WWOX: variants seen among roughly 807,000 people sequenced by gnomAD.
WWOX encodes the protein WW domain-containing oxidoreductase.
Under a neutral mutation model 46.2 loss-of-function variants are expected in WWOX, and 69 were observed. The observed-to-expected ratio is 1.49, with a 90% CI of 1.23 to 1.82. WWOX has a LOEUF of 1.82. WWOX is among the 40% of genes most tolerant of loss of function. The probability of loss-of-function intolerance (pLI) is 0.00; values close to 1 mark genes in which losing one functional copy is unlikely to be tolerated. For synonymous variants in WWOX, 359 were observed against 202.6 expected (o/e 1.77, Z -6.56); for missense variants, 919 against 542.6 (o/e 1.69, Z -6.89).
chr16:79,000,249 TCTC>T (rs1285760790), intron 8 of WWOX, among the ~76,000 whole-genome samples: 1 of 152,112 alleles, frequency 6.6e-6, no homozygotes, highest in Non-Finnish European at 1.5e-5. Context: ...CCTGGCAAAT[TCTC>T]CTCCTTCCTT....
At chr16:78,439,437 A>T (rs2083400456) in intron 8 of WWOX, among the ~76,000 whole-genome samples, 1 of 152,114 alleles carries the variant, frequency 6.6e-6, no homozygotes, top group Non-Finnish European at 1.5e-5. Flanking sequence ...GAAGAAACAT[A>T]CTTCTTCCTG....
At chr16:79,174,464 C>A (rs897614347) in intron 8 of WWOX, among the ~76,000 whole-genome samples, 1 of 152,086 alleles carries the variant, frequency 6.6e-6, no homozygotes, top group Non-Finnish European at 1.5e-5. Flanking sequence ...GCTTGACCAA[C>A]ATAGTGAAAC....
chr16:78,267,756 CTGAT>C (rs10618216), intron 5 of WWOX, among the ~76,000 whole-genome samples: 24,937 of 151,812 alleles, frequency 0.16, 2,246 homozygotes, highest in Middle Eastern at 0.27. Context: ...TCTGTTCCAC[CTGAT>C]TGATTGATTG....
intron 8 of WWOX, among the ~76,000 whole-genome samples, chr16:78,830,998 A>G (rs995448239): frequency 6.6e-6 from 1 of 152,234 alleles, no homozygotes; most frequent in Non-Finnish European, 1.5e-5. Context: ...GGCACTAATG[A>G]TGCAGCAGTA....
intron 5 of WWOX, among the ~76,000 whole-genome samples, chr16:78,176,858 G>C (rs2035364000): frequency 6.6e-6 from 1 of 152,170 alleles, no homozygotes; most frequent in Non-Finnish European, 1.5e-5. Flanking sequence ...GGCAGGGAAG[G>C]ATAGGATGCA....
At chr16:78,550,297 G>C (rs1188035213) in intron 8 of WWOX, among the ~76,000 whole-genome samples, 1 of 152,152 alleles carries the variant, frequency 6.6e-6, no homozygotes, top group Non-Finnish European at 1.5e-5. Flanking sequence ...CTTTGCAAAG[G>C]TTCACATGAT....
At chr16:78,489,007 G>C (rs891098236) in intron 8 of WWOX, among the ~76,000 whole-genome samples, 1 of 152,174 alleles carries the variant, frequency 6.6e-6, no homozygotes, top group African/African-American at 2.4e-5. Context: ...TCTCTGCAGA[G>C]TGTCTAAATC....
intron 5 of WWOX, among the ~76,000 whole-genome samples, chr16:78,366,754 C>G (rs142722473): frequency 9.9e-4 from 151 of 152,218 alleles, no homozygotes; most frequent in East Asian, 4.8e-3. Flanking sequence ...GTTTTCCAAT[C>G]TCTGTTCTAG....
intron 8 of WWOX, among the ~76,000 whole-genome samples, chr16:78,770,047 G>A (rs972866827): frequency 6.6e-6 from 1 of 151,068 alleles, no homozygotes; most frequent in Admixed American, 6.6e-5. Context: ...GTGTCTTTAA[G>A]TAAAATAAAA....
chr16:78,608,145 G>T (rs1319769280), intron 8 of WWOX, among the ~76,000 whole-genome samples: 1 of 152,124 alleles, frequency 6.6e-6, no homozygotes, highest in Non-Finnish European at 1.5e-5. Context: ...AACCCAGAGA[G>T]GTCGTACGTT....
chr16:79,069,144 C>A (rs990936201), intron 8 of WWOX, among the ~76,000 whole-genome samples: 1 of 152,222 alleles, frequency 6.6e-6, no homozygotes, highest in Non-Finnish European at 1.5e-5. Context: ...AAAGGTGGGC[C>A]CTGCGCTGCG....
chr16:78,252,401 A>C (rs977514041), intron 5 of WWOX, among the ~76,000 whole-genome samples: 1 of 152,232 alleles, frequency 6.6e-6, no homozygotes, highest in African/African-American at 2.4e-5. Flanking sequence ...AAACATCTTG[A>C]TTTATAATTT....
At chr16:78,818,546 C>T (rs2051405368) in intron 8 of WWOX, among the ~76,000 whole-genome samples, 2 of 152,210 alleles carry the variant, frequency 1.3e-5, no homozygotes, top group Non-Finnish European at 2.9e-5. Context: ...GTCTGGCCAA[C>T]ACAGCGAGAC....
intron 5 of WWOX, among the ~76,000 whole-genome samples, chr16:78,219,889 T>C (rs537259367): frequency 6.6e-6 from 1 of 152,176 alleles, no homozygotes; most frequent in Non-Finnish European, 1.5e-5. Flanking sequence ...TATCTGCGAT[T>C]GTACTGAAAC....
At chr16:78,914,363 G>A (rs1436261718) in intron 8 of WWOX, among the ~76,000 whole-genome samples, 2 of 152,178 alleles carry the variant, frequency 1.3e-5, no homozygotes, top group Middle Eastern at 3.4e-3. Flanking sequence ...CTGGCATATA[G>A]GATGAGCTTC....
chr16:78,859,810 A>G (rs2052674177), intron 8 of WWOX, among the ~76,000 whole-genome samples: 1 of 148,830 alleles, frequency 6.7e-6, no homozygotes, highest in African/African-American at 2.5e-5. Context: ...AAGAAAATGA[A>G]GAGGAAATTT....
intron 8 of WWOX, among the ~76,000 whole-genome samples, chr16:78,768,727 T>C (rs2049988406): frequency 6.6e-6 from 1 of 152,212 alleles, no homozygotes; most frequent in African/African-American, 2.4e-5. Flanking sequence ...GTTTTAATTA[T>C]CGGCGTGTTT....
At chr16:78,680,858 C>G (rs930387067) in intron 8 of WWOX, among the ~76,000 whole-genome samples, 1 of 152,112 alleles carries the variant, frequency 6.6e-6, no homozygotes, top group African/African-American at 2.4e-5. Flanking sequence ...TGCCTGTAAT[C>G]CTAGCACTTT....
At chr16:79,163,795 CAAAAAAAA>C (rs66922536) in intron 8 of WWOX, among the ~76,000 whole-genome samples, 61 of 102,214 alleles carry the variant, frequency 6.0e-4, no homozygotes, top group East Asian at 1.9e-3. Context: ...AACTCCACCT[CAAAAAAAA>C]AAAAAAAAAA....
Sources: gnomAD v4.1 joint callset for allele counts (sites outside exome capture counted in the v4.1 genomes callset) on GRCh38, gnomAD v4.1.1 for gene constraint, MANE v1.5 for transcripts, NCBI Gene and HGNC (gene_info 2026-07-23, HGNC 2026-07-21) for gene names.